ZC3H11A: variants seen among roughly 807,000 people sequenced by gnomAD.
ZC3H11A encodes zinc finger CCCH-type containing 11A, also known as zinc finger CCCH domain-containing protein 11A.
ZC3H11A carries 22 observed loss-of-function variants against 90.8 expected under a neutral mutation model. That is an observed-to-expected ratio of 0.24 (90% CI 0.17 to 0.35). The LOEUF is 0.35. Ranked by LOEUF, ZC3H11A falls within the 10% of genes least tolerant of loss-of-function variation. ZC3H11A has a pLI of 1.00. For missense variants in ZC3H11A, 701 were observed against 964.9 expected (o/e 0.73, Z 3.62); for synonymous variants, 294 against 339.8 (o/e 0.87, Z 1.48).
intron 1 of ZC3H11A, chr1:203,798,210 A>G (rs1226788379): frequency 1.3e-6 from 2 of 1,536,072 alleles, no homozygotes; most frequent in Non-Finnish European, 1.7e-6. Context: ...TAGAATGGGC[A>G]AGAAGCATGA....
At chr1:203,845,493 A>G (rs139992756) in intron 12 of ZC3H11A, among the ~76,000 whole-genome samples, 19 of 152,340 alleles carry the variant, frequency 1.2e-4, no homozygotes, top group East Asian at 5.8e-4. Flanking sequence ...TGAAGATGCA[A>G]TTACAGTGTA....
rs1418042057 is a variant in ZC3H11A, at chr1:203,840,378, A to C, written c.1042+4A>C. The C allele has an allele frequency of 6.2e-7, 1 of 1,612,012 alleles. No homozygotes were observed. Among genetic ancestry groups the C allele is most frequent in the East Asian group, 2.2e-5 (1 of 44,754 alleles). Reference sequence around the variant, plus strand: ...CCAGATAATGAGGATGCAACAGGTAAGTAAATCCTAAGACCAGATTCTGAT... The same window carrying C: ...CCAGATAATGAGGATGCAACAGGTACGTAAATCCTAAGACCAGATTCTGAT... On this transcript the variant is annotated splice_donor_region_variant and intron_variant, in intron 12 of 17. Coordinates refer to ENST00000367210, the MANE Select transcript of ZC3H11A (RefSeq NM_001376342.1).
chr1:203,799,974 T>G (rs1161925236), intron 1 of ZC3H11A: 9 of 1,536,014 alleles, frequency 5.9e-6, no homozygotes, highest in Admixed American at 2.0e-5. Flanking sequence ...TTCAGAAGCT[T>G]CTTGTCCCTC....
intron 2 of ZC3H11A, among the ~76,000 whole-genome samples, chr1:203,803,673 A>G (rs6662927): frequency 0.44 from 67,327 of 151,876 alleles, 15,687 homozygotes; most frequent in Non-Finnish European, 0.53. Context: ...TGGCATGATC[A>G]TAGCTCACTG....
intron 11 of ZC3H11A, among the ~76,000 whole-genome samples, chr1:203,839,868 A>G (rs917415886): frequency 2.6e-5 from 4 of 152,146 alleles, no homozygotes; most frequent in Non-Finnish European, 5.9e-5. Flanking sequence ...CAGTAGCGCT[A>G]TCTCAGCTCA....
intron 4 of ZC3H11A, among the ~76,000 whole-genome samples, chr1:203,821,526 C>T (rs1678693499): frequency 2.6e-5 from 4 of 152,074 alleles, no homozygotes; most frequent in Admixed American, 2.6e-4. Flanking sequence ...AGCATCTCTG[C>T]TTTTTGGCCT....
intron 8 of ZC3H11A, 146 bp downstream of exon 8, chr1:203,830,349 G>T: frequency 1.5e-6 from 1 of 684,074 alleles, no homozygotes; most frequent in Non-Finnish European, 2.5e-6. Context: ...TTTAAATTGT[G>T]GTTGCTTTTA....
chr1:203,808,731 G>T (rs1029468623), intron 2 of ZC3H11A, among the ~76,000 whole-genome samples: 1 of 152,104 alleles, frequency 6.6e-6, no homozygotes, highest in Non-Finnish European at 1.5e-5. Flanking sequence ...TTCCTCTACT[G>T]AAATCTATTT....
Position 203,806,025 on chromosome 1 carries a change from G to A in ZC3H11A, c.-146+3009G>A, listed in dbSNP as rs12088595. 2,223 of 546,718 alleles carry A rather than the reference G, an allele frequency of 4.1e-3. 40 individuals are homozygous for A. Among genetic ancestry groups the A allele is most frequent in the East Asian group, 0.04 (893 of 22,318 alleles). 33.9% of individuals were successfully genotyped at this position (546,718 alleles called of 1,614,324 possible). On this transcript the variant is annotated intron_variant, in intron 2 of 17. Coordinates refer to ENST00000367210, the MANE Select transcript of ZC3H11A (RefSeq NM_001376342.1). ...GTTTCATGTTGAATGACTCTTGGGTGCGATTGTCCTGCTGCTGCTCATACA... is the reference window on the plus strand; with the variant it reads ...GTTTCATGTTGAATGACTCTTGGGTACGATTGTCCTGCTGCTGCTCATACA...
At chr1:203,846,385 A>G (rs1687918948) in intron 12 of ZC3H11A, among the ~76,000 whole-genome samples, 2 of 152,082 alleles carry the variant, frequency 1.3e-5, no homozygotes, top group South Asian at 4.1e-4. Context: ...TGGCATGCCA[A>G]TTTCTGGGCC....
chr1:203,819,089 TACACACACACACACAC>T (rs200302232), intron 4 of ZC3H11A, among the ~76,000 whole-genome samples: 1 of 140,956 alleles, frequency 7.1e-6, no homozygotes, highest in East Asian at 2.1e-4. Flanking sequence ...TATATATATA[TACACACACACACACAC>T]ACACACACAC....
intron 10 of ZC3H11A, among the ~76,000 whole-genome samples, chr1:203,837,597 C>G: frequency 6.6e-6 from 1 of 152,022 alleles, no homozygotes; most frequent in Non-Finnish European, 1.5e-5. Flanking sequence ...GCTTCAGCCT[C>G]CTAAGTAGCT....
chr1:203,830,853 C>T (rs2103027140), intron 8 of ZC3H11A, among the ~76,000 whole-genome samples: 1 of 147,660 alleles, frequency 6.8e-6, no homozygotes, highest in South Asian at 2.1e-4. Flanking sequence ...TAGAAGAGTT[C>T]TTCCTCAAGA....
chr1:203,846,507 C>T (rs1223173815), intron 12 of ZC3H11A, among the ~76,000 whole-genome samples: 1 of 152,148 alleles, frequency 6.6e-6, no homozygotes, highest in Non-Finnish European at 1.5e-5. Context: ...CCTTTTATAG[C>T]ATTATACCTA....
chr1:203,842,153 C>G (rs1053780485), intron 12 of ZC3H11A, among the ~76,000 whole-genome samples: 2 of 145,838 alleles, frequency 1.4e-5, no homozygotes, highest in Admixed American at 1.4e-4. Context: ...ACATCCCAGA[C>G]GATGGGCGGC....
At chr1:203,837,398 T>C (rs946632244) in intron 10 of ZC3H11A, among the ~76,000 whole-genome samples, 3 of 152,134 alleles carry the variant, frequency 2.0e-5, no homozygotes, top group Non-Finnish European at 4.4e-5. Context: ...GTTTGTCAGT[T>C]AATTTATTTG....
At chr1:203,809,847 G>A (rs933707340) in intron 2 of ZC3H11A, among the ~76,000 whole-genome samples, 13 of 152,108 alleles carry the variant, frequency 8.5e-5, no homozygotes, top group South Asian at 2.1e-4. Context: ...CCAGCTACTC[G>A]GGAGGGTGAG....
chr1:203,809,594 T>A (rs1315363358), intron 2 of ZC3H11A, among the ~76,000 whole-genome samples: 2 of 152,014 alleles, frequency 1.3e-5, no homozygotes, highest in Non-Finnish European at 2.9e-5. Context: ...TTCTAGAGAG[T>A]GGGTTGAGAA....
intron 1 of ZC3H11A, chr1:203,797,950 C>A (rs1669186857): frequency 1.3e-6 from 2 of 1,535,982 alleles, no homozygotes; most frequent in Non-Finnish European, 1.7e-6. Context: ...CATGTTGACC[C>A]CCAGTACACC....
Sources: allele counts gnomAD v4.1 joint callset (sites outside exome capture counted in the v4.1 genomes callset), GRCh38; gene constraint gnomAD v4.1.1; transcripts MANE v1.5; gene names NCBI Gene and HGNC (gene_info 2026-07-23, HGNC 2026-07-21).